The following PCDHGA2 variants were observed in gnomAD, a reference collection of about 807,000 sequenced individuals.
PCDHGA2 encodes protocadherin gamma-A2.
Under a neutral mutation model 59.2 loss-of-function variants are expected in PCDHGA2, and 40 were observed. The ratio of observed to expected loss-of-function variants is 0.68; its 90% confidence interval spans 0.52 to 0.88. The LOEUF is 0.88. PCDHGA2 is among the 40% of genes least tolerant of loss of function. PCDHGA2 has a pLI of 0.00. For synonymous variants in PCDHGA2, 560 were observed against 526.0 expected (o/e 1.06, Z -0.89); for missense variants, 1,226 against 1,204.0 (o/e 1.02, Z -0.27).
Position 141,432,126 on chromosome 5 carries a change from C to A in PCDHGA2, c.2425-62681C>A. 6.2e-7 allele frequency: 1 copy of A among 1,614,144 alleles called. No homozygotes were observed. Among genetic ancestry groups the A allele is most frequent in the South Asian group, 1.1e-5 (1 of 91,058 alleles). ...AACCCGCCGGTCTTCCCTCAGGCCT[C>A]CTATTCCGCTTATATCCCAGAGAAC... On this transcript the variant is annotated intron_variant, in intron 1 of 3. Transcript: ENST00000394576. The surrounding 1 kb of genome is among the most constrained non-coding windows in gnomAD (Gnocchi z 6.0).
At position 141,423,758 on chromosome 5, in the gene PCDHGA2, G is replaced by GC. The variant is rs1554116873; in HGVS notation, c.2425-71049_2425-71048insC. 1.7e-4 allele frequency: 62 copies of GC among 366,836 alleles called. 2 individuals are homozygous for GC. The highest frequency in any genetic ancestry group is 4.2e-4 in the Middle Eastern group (1 of 2,358). The allele number at this position is 366,836 out of a possible 1,614,324, so 22.7% of individuals were successfully genotyped here. Reference sequence around the variant, plus strand: ...CTGTTATGAAAACTGTTTGGGGGGGGGGTGGGGCGGCATATATTTAGTTCA... The same window carrying GC: ...CTGTTATGAAAACTGTTTGGGGGGGGCGGTGGGGCGGCATATATTTAGTTCA... On this transcript the variant is annotated intron_variant, in intron 1 of 3. Coordinates refer to ENST00000394576, the MANE Select transcript of PCDHGA2 (RefSeq NM_018915.4).
At chr5:141,421,973 G>C in intron 1 of PCDHGA2, 1 of 1,610,100 alleles carries the variant, frequency 6.2e-7, no homozygotes, top group Non-Finnish European at 8.5e-7. Context: ...TCCGTATATC[G>C]CGTGAGTGTT....
chr5:141,393,959 T>G, intron 1 of PCDHGA2: 1 of 1,613,970 alleles, frequency 6.2e-7, no homozygotes, highest in Non-Finnish European at 8.5e-7. Flanking sequence ...ATGGTCAAGT[T>G]GTCTGTTACA....
At position 141,355,808 on chromosome 5, in the gene PCDHGA2, A is replaced by G. The variant is rs533937335; in HGVS notation, c.2424+14413A>G. The stretch of plus-strand genomic sequence containing the variant: ...GTGCTGGAACGCGCTCTAGATCGCG[A>G]GGAAGAGGCGGTTCACCACCTCGTT... On this transcript the variant is annotated intron_variant, in intron 1 of 3. Coordinates refer to ENST00000394576, the MANE Select transcript of PCDHGA2 (RefSeq NM_018915.4). 7 of 1,613,360 alleles carry G rather than the reference A, an allele frequency of 4.3e-6. No homozygotes were observed. The South Asian group carries it at 6.6e-5, about 15-fold the overall frequency.
At chr5:141,459,831 G>A (rs907978430) in intron 1 of PCDHGA2, among the ~76,000 whole-genome samples, 1 of 152,150 alleles carries the variant, frequency 6.6e-6, no homozygotes, top group Admixed American at 6.6e-5. Context: ...CTTTTCATGT[G>A]TTGTCTATTT....
intron 3 of PCDHGA2, 119 bp downstream of exon 3, chr5:141,505,600 G>T: frequency 1.3e-6 from 2 of 1,554,224 alleles, no homozygotes; most frequent in Middle Eastern, 3.4e-4. Context: ...AGATCTTTCG[G>T]CAGGTCTGAA....
intron 1 of PCDHGA2, among the ~76,000 whole-genome samples, chr5:141,488,544 C>G (rs1225754325): frequency 6.6e-6 from 1 of 152,166 alleles, no homozygotes; most frequent in African/African-American, 2.4e-5. Flanking sequence ...AGTCCCATGT[C>G]AGCTGACATT....
rs767701229 is a variant in PCDHGA2, at chr5:141,405,417, T to TTTTTG, written c.2424+64037_2424+64041dup. 250 of 1,563,234 alleles carry TTTTTG rather than the reference T, an allele frequency of 1.6e-4. 1 individual carries two copies. Among genetic ancestry groups the TTTTTG allele is most frequent in the Admixed American group, 1.3e-4 (7 of 55,240 alleles). On this transcript the variant is annotated intron_variant, in intron 1 of 3. Coordinates refer to ENST00000394576, the MANE Select transcript of PCDHGA2 (RefSeq NM_018915.4). The stretch of plus-strand genomic sequence containing the variant: ...TTCTTTCTTTCTTTTCTTTTTTTGT[T>TTTTTG]TTTTGTTTTGTTTTGTTTTTGAGAC...
intron 1 of PCDHGA2, chr5:141,400,321 G>T (rs190006023): frequency 1.9e-6 from 3 of 1,614,064 alleles, no homozygotes; most frequent in East Asian, 2.2e-5. Context: ...TGTCAAGTCT[G>T]GACCTGTGGT....
chr5:141,350,492 A>C lies in PCDHGA2; in HGVS notation c.2424+9097A>C, dbSNP rs1758490387. The C allele has an allele frequency of 2.5e-6, 4 of 1,613,968 alleles. No homozygotes were observed. The East Asian group carries it at 8.9e-5, about 36-fold the overall frequency. On this transcript the variant is annotated intron_variant, in intron 1 of 3. Transcript: ENST00000394576. The stretch of plus-strand genomic sequence containing the variant: ...GGATTATTTCAACGTTAGTTTGGAG[A>C]GCGGGGATTTGTTAGTGAACGGTAG...
intron 1 of PCDHGA2, chr5:141,392,255 G>A (rs912458411): frequency 4.6e-5 from 7 of 152,104 alleles, no homozygotes; most frequent in Non-Finnish European, 1.0e-4. Flanking sequence ...AGTATATATT[G>A]GAGACATTTA....
chr5:141,369,299 CATT>C (rs1766146509), intron 1 of PCDHGA2, among the ~76,000 whole-genome samples: 1 of 152,112 alleles, frequency 6.6e-6, no homozygotes. Context: ...AATAACGCAT[CATT>C]GTTAGGCTAC....
rs1160642304 is a variant in PCDHGA2 at position 141,415,415 on chromosome 5, T to C, written c.2424+74020T>C. 7 of 1,614,084 alleles carry C rather than the reference T, an allele frequency of 4.3e-6. No individual in the cohort carries two copies. In the Admixed American group the frequency reaches 8.3e-5, roughly 19 times the overall value. Reference sequence around the variant, plus strand: ...GTGTCCGGCTCGCACTTTGTGGGCGTGGACGGGGTTCGGGCTTTCCTGCAG... The same window carrying C: ...GTGTCCGGCTCGCACTTTGTGGGCGCGGACGGGGTTCGGGCTTTCCTGCAG... On this transcript the variant is annotated intron_variant, in intron 1 of 3. Coordinates refer to ENST00000394576, the MANE Select transcript of PCDHGA2 (RefSeq NM_018915.4).
In PCDHGA2 at chr5:141,509,341, G is replaced by C. The variant is rs552337350; in HGVS notation, c.2573-1606G>C. Among the ~76,000 whole-genome samples, 4 of 152,290 alleles carry C rather than the reference G, an allele frequency of 2.6e-5. No homozygotes were observed. The East Asian group carries it at 7.7e-4, about 29-fold the overall frequency. On this transcript the variant is annotated intron_variant, in intron 3 of 3. Transcript: ENST00000394576. ...GAAGCTCTACTGCCAGCTGGGCCTG[G>C]GCTGGCCTGGGCATCCCTGAGGTTT...
At position 141,454,796 on chromosome 5, in the gene PCDHGA2, A is replaced by ATTTTT. The variant is rs61612330; in HGVS notation, c.2425-39986_2425-39982dup. ...AAGGAAATAATCCTCCATGGTTCTA[A>ATTTTT]TTTTTTTTTTTTTTTTTTTTTTTTT... On this transcript the variant is annotated intron_variant, in intron 1 of 3. Coordinates refer to ENST00000394576, the MANE Select transcript of PCDHGA2 (RefSeq NM_018915.4). 4.5e-3 allele frequency among the ~76,000 whole-genome samples: 350 copies of ATTTTT among 77,444 alleles called. 39 individuals are homozygous for ATTTTT. The highest frequency in any genetic ancestry group is 0.016 in the African/African-American group (266 of 16,872). The allele number at this position is 77,444 out of a possible 152,430, so 50.8% of individuals were successfully genotyped here.
At position 141,490,258 on chromosome 5, in the gene PCDHGA2, G is replaced by A. The variant is rs776865457; in HGVS notation, c.2425-4549G>A. Reference sequence around the variant, plus strand: ...GGGCCACTGTGTGATTCAAGTGGATGTGGGGGATGTCAATGACAATGCCCC... The same window carrying A: ...GGGCCACTGTGTGATTCAAGTGGATATGGGGGATGTCAATGACAATGCCCC... On this transcript the variant is annotated intron_variant, in intron 1 of 3. Transcript: ENST00000394576. The surrounding 1 kb of genome is among the most constrained non-coding windows in gnomAD (Gnocchi z 5.4). 6.2e-7 allele frequency: 1 copy of A among 1,614,136 alleles called. No homozygotes were observed.
intron 1 of PCDHGA2, chr5:141,364,648 T>C (rs1199111606): frequency 6.2e-7 from 1 of 1,614,082 alleles, no homozygotes; most frequent in Non-Finnish European, 8.5e-7. Context: ...TGGTGAACTT[T>C]AACATCTTGG....
chr5:141,363,430 A>G (rs1003624399), intron 1 of PCDHGA2, among the ~76,000 whole-genome samples: 5 of 152,204 alleles, frequency 3.3e-5, no homozygotes, highest in Admixed American at 6.5e-5. Flanking sequence ...GTCTCAACAT[A>G]GAAAGGTCAC....
chr5:141,413,425 C>T, intron 1 of PCDHGA2: 1 of 1,614,098 alleles, frequency 6.2e-7, no homozygotes, highest in Non-Finnish European at 8.5e-7. Flanking sequence ...TCTGAACCCG[C>T]GCAGCGGCAG....
Sources: allele counts gnomAD v4.1 joint callset (sites outside exome capture counted in the v4.1 genomes callset), GRCh38; gene constraint gnomAD v4.1.1; non-coding constraint Gnocchi (gnomAD v3.1); transcripts MANE v1.5; gene names NCBI Gene and HGNC (gene_info 2026-07-23, HGNC 2026-07-21).